PTPRN2: variants seen among roughly 807,000 people sequenced by gnomAD.
The protein encoded by PTPRN2 is receptor-type tyrosine-protein phosphatase N2.
A neutral mutation model predicts 118.8 loss-of-function variants in PTPRN2; 74 were observed. That is an observed-to-expected ratio of 0.62 (90% CI 0.52 to 0.76). The LOEUF (loss-of-function observed/expected upper bound fraction) is 0.76, where lower values mean the gene tolerates loss of function less well. Ranked by LOEUF, PTPRN2 falls within the 30% of genes least tolerant of loss-of-function variation. PTPRN2 has a pLI of 0.00. For synonymous variants in PTPRN2, 641 were observed against 608.0 expected, an observed-to-expected ratio of 1.05 and a Z score of -0.80; for missense variants, 1,481 against 1,394.4, an observed-to-expected ratio of 1.06 and a Z score of -0.99.
intron 2 of PTPRN2, among the ~76,000 whole-genome samples, chr7:158,410,173 C>T (rs1442643342): frequency 2.6e-5 from 4 of 152,180 alleles, no homozygotes; most frequent in Non-Finnish European, 5.9e-5. Context: ...TGAGCCACCT[C>T]CCCAAACCCT....
intron 2 of PTPRN2, among the ~76,000 whole-genome samples, chr7:158,471,899 G>C (rs1782903880): frequency 6.6e-6 from 1 of 152,220 alleles, no homozygotes; most frequent in South Asian, 2.1e-4. Flanking sequence ...TGTCGGCTGA[G>C]ACCACTGTCA....
intron 12 of PTPRN2, among the ~76,000 whole-genome samples, chr7:157,701,269 G>A (rs901988916): frequency 6.6e-6 from 1 of 152,180 alleles, no homozygotes; most frequent in African/African-American, 2.4e-5. Flanking sequence ...ACAGGGGAGA[G>A]CTCCGTTCTT....
intron 5 of PTPRN2, among the ~76,000 whole-genome samples, chr7:158,181,236 A>G (rs1430937373): frequency 6.6e-6 from 1 of 152,138 alleles, no homozygotes; most frequent in African/African-American, 2.4e-5. Flanking sequence ...GTGACGTATC[A>G]CATTTACTGA....
At chr7:158,306,714 T>C (rs1267062225) in intron 3 of PTPRN2, among the ~76,000 whole-genome samples, 3 of 152,222 alleles carry the variant, frequency 2.0e-5, no homozygotes, top group African/African-American at 7.2e-5. Flanking sequence ...CTATGTTATT[T>C]AAAATATTGA....
intron 10 of PTPRN2, among the ~76,000 whole-genome samples, chr7:158,097,834 A>G (rs562392458): frequency 1.3e-5 from 2 of 152,248 alleles, no homozygotes; most frequent in Non-Finnish European, 2.9e-5. Flanking sequence ...CTAACAAAAC[A>G]TATTCAGCAT....
chr7:158,132,527 TAC>T lies in PTPRN2; in HGVS notation c.1556+1148_1556+1149del, dbSNP rs373147168. Among the ~76,000 whole-genome samples, 245 of 139,522 alleles carry T rather than the reference TAC, an allele frequency of 1.8e-3. 2 individuals carry two copies. The highest frequency in any genetic ancestry group is 6.2e-3 in the African/African-American group (232 of 37,472). The allele number at this position is 139,522 out of a possible 152,430, so 91.5% of individuals were successfully genotyped here. On this transcript the variant is annotated intron_variant, in intron 9 of 22. Coordinates refer to ENST00000389418, the MANE Select transcript of PTPRN2 (RefSeq NM_002847.5). ...CAGATGCACACACATTTACCCAACG[TAC>T]ACTCATATACACACACATGCATACA...
At chr7:157,825,792 A>T (rs1366419191) in intron 12 of PTPRN2, among the ~76,000 whole-genome samples, 1 of 152,190 alleles carries the variant, frequency 6.6e-6, no homozygotes, top group East Asian at 1.9e-4. Context: ...CCCCAGCCCC[A>T]TTCAGCTTCC....
chr7:158,294,626 G>A (rs1216772508), intron 3 of PTPRN2, among the ~76,000 whole-genome samples: 1 of 152,092 alleles, frequency 6.6e-6, no homozygotes, highest in Non-Finnish European at 1.5e-5. Context: ...AGGCAGGGCT[G>A]AGCCAGGCCA....
At position 158,192,470 on chromosome 7, in the gene PTPRN2, C is replaced by T. The variant is rs146516476; in HGVS notation, c.406G>A (p.Glu136Lys). Reference protein sequence around the residue: ...ARPSKHSVGSERRYSREGGAA... With the variant: ...ARPSKHSVGSKRRYSREGGAA... ...CCGCCCTCCCGACTGTACCTCCTCTCGCTGCCAACGCTGTGTTTTGAGGGC... is the reference window on the plus strand; with the variant it reads ...CCGCCCTCCCGACTGTACCTCCTCTTGCTGCCAACGCTGTGTTTTGAGGGC... Residue 136 changes from glutamate to lysine, a missense_variant, in exon 5 of 23, where the codon GAG becomes AAG. Physicochemically the swap from Glu to Lys is moderately conservative, Grantham distance 56. Coordinates refer to ENST00000389418, the MANE Select transcript of PTPRN2 (RefSeq NM_002847.5). 3.0e-5 allele frequency: 48 copies of T among 1,578,372 alleles called. 1 individual carries two copies. Among genetic ancestry groups the T allele is most frequent in the African/African-American group, 5.5e-5 (4 of 72,270 alleles).
intron 2 of PTPRN2, among the ~76,000 whole-genome samples, chr7:158,341,346 C>G (rs1217856886): frequency 1.3e-5 from 2 of 151,188 alleles, no homozygotes; most frequent in African/African-American, 4.9e-5. Context: ...CACACTCTCA[C>G]CATAAGAGGT....
chr7:158,323,687 G>A (rs993193562), intron 2 of PTPRN2, among the ~76,000 whole-genome samples: 1 of 152,130 alleles, frequency 6.6e-6, no homozygotes, highest in African/African-American at 2.4e-5. Context: ...TTAGAGCACT[G>A]TTCCCACAGG....
In PTPRN2 at chr7:157,960,879, C is replaced by T. The variant is rs184920976; in HGVS notation, c.1724-62142G>A. ...AAAATCAGCCAGGCATGGTGATGGG[C>T]GCCTGTAATCCCAGCTACTCTGGAG... On this transcript the variant is annotated intron_variant, in intron 11 of 22. Transcript: ENST00000389418. 5.0e-3 allele frequency among the ~76,000 whole-genome samples: 761 copies of T among 152,162 alleles called. 10 individuals are homozygous for T. Among genetic ancestry groups the T allele is most frequent in the African/African-American group, 0.018 (733 of 41,524 alleles).
At chr7:157,687,623 G>A (rs1022465510) in intron 12 of PTPRN2, among the ~76,000 whole-genome samples, 2 of 152,162 alleles carry the variant, frequency 1.3e-5, no homozygotes, top group Non-Finnish European at 2.9e-5. Flanking sequence ...TTAGAAGTCA[G>A]TTTTAGAGAC....
chr7:157,604,157 C>T (rs1007873058), intron 15 of PTPRN2, 82 bp from the exon 16 acceptor site: 9 of 1,257,986 alleles, frequency 7.2e-6, no homozygotes, highest in Non-Finnish European at 1.0e-5. Context: ...CAGGGCCCCC[C>T]ACCCAGCAGC....
At chr7:158,130,578 C>T (rs1019753956) in intron 9 of PTPRN2, among the ~76,000 whole-genome samples, 1 of 151,728 alleles carries the variant, frequency 6.6e-6, no homozygotes, top group Non-Finnish European at 1.5e-5. Context: ...TACACACATG[C>T]ACATATGCAC....
At chr7:158,341,434 C>A (rs1806757778) in intron 2 of PTPRN2, among the ~76,000 whole-genome samples, 1 of 150,552 alleles carries the variant, frequency 6.6e-6, no homozygotes. Flanking sequence ...CACCCACACT[C>A]TCACCATAAG....
intron 9 of PTPRN2, among the ~76,000 whole-genome samples, chr7:158,117,738 A>G (rs1354912311): frequency 6.6e-6 from 1 of 152,172 alleles, no homozygotes; most frequent in Non-Finnish European, 1.5e-5. Context: ...AACTTTGCAG[A>G]ACAGAAAGCA....
intron 2 of PTPRN2, among the ~76,000 whole-genome samples, chr7:158,430,003 GT>G (rs1368089686): frequency 6.6e-6 from 1 of 152,150 alleles, no homozygotes; most frequent in Non-Finnish European, 1.5e-5. Context: ...TGCCTCCTGG[GT>G]TTAAGCAATT....
intron 12 of PTPRN2, among the ~76,000 whole-genome samples, chr7:157,753,212 C>G (rs1345166765): frequency 6.6e-6 from 1 of 152,186 alleles, no homozygotes; most frequent in Non-Finnish European, 1.5e-5. Context: ...GGGCTTCTGT[C>G]CCCCGGGCAG....
Sources: allele counts gnomAD v4.1 joint callset (sites outside exome capture counted in the v4.1 genomes callset), GRCh38; gene constraint gnomAD v4.1.1; transcripts MANE v1.5; gene names NCBI Gene and HGNC (gene_info 2026-07-23, HGNC 2026-07-21).